IGSF11: variants seen among roughly 807,000 people sequenced by gnomAD.
IGSF11 encodes the protein immunoglobulin superfamily member 11.
Under a neutral mutation model 41.0 loss-of-function variants are expected in IGSF11, and 22 were observed. The observed-to-expected ratio is 0.54, with a 90% CI of 0.38 to 0.77. The LOEUF (loss-of-function observed/expected upper bound fraction) is 0.77, where lower values mean the gene tolerates loss of function less well. IGSF11 is among the 30% of genes least tolerant of loss of function. IGSF11 has a pLI of 0.00. For missense variants in IGSF11, 444 were observed against 530.8 expected, an observed-to-expected ratio of 0.84 and a Z score of 1.61; for synonymous variants, 219 against 201.3, an observed-to-expected ratio of 1.09 and a Z score of -0.74.
chr3:119,034,096 G>T (rs1559822611), intron 1 of IGSF11, among the ~76,000 whole-genome samples: 1 of 152,186 alleles, frequency 6.6e-6, no homozygotes. Flanking sequence ...CTTCTAAAAG[G>T]TTACGTTAAA....
intron 1 of IGSF11, chr3:119,012,981 G>A (rs1938304549): frequency 1.3e-5 from 2 of 152,322 alleles, no homozygotes; most frequent in Admixed American, 6.5e-5. Flanking sequence ...CCCATCTCCA[G>A]CCTCTGCTCC....
rs144444137 is a variant in IGSF11 at position 119,045,473 on chromosome 3, G to A, written c.49+59671C>T. On this transcript the variant is annotated intron_variant, in intron 1 of 6. Transcript: ENST00000354673. ...ACGGCGCACCATGAGATTATATCCC[G>A]CACATGGCTCGGAGGGTCCTACTCC... Among the ~76,000 whole-genome samples the A allele has an allele frequency of 2.0e-4, 31 of 152,306 alleles. 1 individual carries two copies. The highest frequency in any genetic ancestry group is 6.2e-4 in the South Asian group (3 of 4,824).
chr3:119,077,959 C>T (rs1027602216), intron 1 of IGSF11, among the ~76,000 whole-genome samples: 1 of 152,118 alleles, frequency 6.6e-6, no homozygotes, highest in Non-Finnish European at 1.5e-5. Context: ...AGGCAGCTAA[C>T]CAGTGAGATG....
intron 1 of IGSF11, among the ~76,000 whole-genome samples, chr3:119,118,581 C>G (rs1343607171): frequency 1.3e-5 from 2 of 152,222 alleles, no homozygotes; most frequent in Non-Finnish European, 2.9e-5. Context: ...CTCTGACATG[C>G]CCTGGAGACA....
chr3:119,012,870 G>T (rs1034378131), intron 1 of IGSF11: 9 of 152,198 alleles, frequency 5.9e-5, no homozygotes, highest in African/African-American at 2.2e-4. Flanking sequence ...TGCTAAAAAA[G>T]CAAGTTTAAG....
chr3:119,142,490 C>T (rs1235522378), intron 1 of IGSF11, among the ~76,000 whole-genome samples: 2 of 152,026 alleles, frequency 1.3e-5, no homozygotes, highest in South Asian at 4.2e-4. Context: ...AACTTTAAAT[C>T]AACTGTCTTA....
intron 1 of IGSF11, among the ~76,000 whole-genome samples, chr3:119,098,219 T>C (rs2076886863): frequency 6.6e-6 from 1 of 152,112 alleles, no homozygotes; most frequent in African/African-American, 2.4e-5. Context: ...TTATATGTCA[T>C]GTGATGTGTG....
At position 118,914,498 on chromosome 3, in the gene IGSF11, C is replaced by CG. The variant is rs1244245440; in HGVS notation, c.581-8781dup. Among the ~76,000 whole-genome samples, 6 of 151,608 alleles carry CG rather than the reference C, an allele frequency of 4.0e-5. No homozygotes were observed. The South Asian group carries it at 8.5e-4, about 21-fold the overall frequency. ...CCGAGTCAAAGAAAGGGGTGACGGA[C>CG]GCACCTGGAAAATCGGGTCACTCCC... On this transcript the variant is annotated intron_variant, in intron 4 of 6. Transcript: ENST00000393775.
intron 1 of IGSF11, among the ~76,000 whole-genome samples, chr3:119,041,004 AT>A (rs753990791): frequency 8.5e-5 from 13 of 152,350 alleles, no homozygotes; most frequent in Middle Eastern, 3.4e-3. Flanking sequence ...TAGAGTATCT[AT>A]TTGAAGGAAA....
intron 3 of IGSF11, among the ~76,000 whole-genome samples, chr3:118,927,121 ATAAAAGGATATAGG>A (rs1942394793): frequency 6.6e-6 from 1 of 152,166 alleles, no homozygotes; most frequent in Non-Finnish European, 1.5e-5. Context: ...AGAGAGAACA[ATAAAAGGATATAGG>A]TAGGAAGAGT....
intron 1 of IGSF11, among the ~76,000 whole-genome samples, chr3:119,103,313 T>A (rs1282706969): frequency 6.6e-6 from 1 of 152,092 alleles, no homozygotes; most frequent in South Asian, 2.1e-4. Flanking sequence ...TTTTATGTGA[T>A]CTATGACAAC....
At chr3:119,094,223 T>TAAAAAAAAAAAAAAAAAAAAAAAAAA (rs1175348778) in intron 1 of IGSF11, among the ~76,000 whole-genome samples, 4 of 35,074 alleles carry the variant, frequency 1.1e-4, no homozygotes, top group Non-Finnish European at 2.3e-4. Flanking sequence ...CATAGCGAAG[T>TAAAAAAAAAAAAAAAAAAAAAAAAAA]AAAAAAAAAA....
intron 1 of IGSF11, among the ~76,000 whole-genome samples, chr3:118,951,625 G>A (rs1224905023): frequency 6.6e-6 from 1 of 151,876 alleles, no homozygotes; most frequent in Non-Finnish European, 1.5e-5. Flanking sequence ...ACCATTCTAA[G>A]TTCTTCACCC....
At chr3:119,089,700 A>C (rs1379962775) in intron 1 of IGSF11, among the ~76,000 whole-genome samples, 1 of 152,226 alleles carries the variant, frequency 6.6e-6, no homozygotes, top group Non-Finnish European at 1.5e-5. Flanking sequence ...AAAGGCTTCC[A>C]GGCTGATAAG....
intron 1 of IGSF11, among the ~76,000 whole-genome samples, chr3:119,110,682 G>C (rs1400734192): frequency 3.3e-5 from 5 of 152,282 alleles, no homozygotes; most frequent in African/African-American, 1.2e-4. Context: ...TTTCTTCCTA[G>C]TCTTGATGGT....
intron 1 of IGSF11, among the ~76,000 whole-genome samples, chr3:118,974,591 G>A (rs529136586): frequency 1.1e-4 from 16 of 152,218 alleles, no homozygotes; most frequent in African/African-American, 2.4e-5. Flanking sequence ...TGTGGTTGCA[G>A]TACCTAATCT....
intron 1 of IGSF11, among the ~76,000 whole-genome samples, chr3:119,029,915 C>G (rs1273934712): frequency 1.3e-5 from 2 of 152,204 alleles, no homozygotes; most frequent in Non-Finnish European, 2.9e-5. Flanking sequence ...ATGGCATTGA[C>G]TTTCCAATCC....
At chr3:119,105,085 G>T (rs1180399882) in intron 1 of IGSF11, 8 of 1,092,816 alleles carry the variant, frequency 7.3e-6, no homozygotes, top group Non-Finnish European at 1.1e-5. Context: ...ACTCAGCCAG[G>T]CCATAAGAGA....
chr3:119,102,997 A>ATTTTTTTTTTTTTTTTTTTTTTT (rs142951970), intron 1 of IGSF11, among the ~76,000 whole-genome samples: 1 of 126,842 alleles, frequency 7.9e-6, no homozygotes, highest in Non-Finnish European at 1.6e-5. Context: ...TACTTGGCCA[A>ATTTTTTTTTTTTTTTTTTTTTTT]TTTTTTTTTT....
Sources: allele counts gnomAD v4.1 joint callset (sites outside exome capture counted in the v4.1 genomes callset), GRCh38; gene constraint gnomAD v4.1.1; transcripts MANE v1.5; gene names NCBI Gene and HGNC (gene_info 2026-07-23, HGNC 2026-07-21).